The following C12orf42 variants were observed in gnomAD, a reference collection of about 807,000 sequenced individuals.
C12orf42 encodes uncharacterized protein C12orf42.
In C12orf42, 25 loss-of-function variants were observed where a neutral mutation model predicts 21.6. The observed-to-expected ratio is 1.16, with a 90% confidence interval of 0.84 to 1.62. C12orf42 has a LOEUF of 1.62. C12orf42 is among the 40% of genes most tolerant of loss of function. The pLI, the probability that C12orf42 is intolerant of heterozygous loss-of-function variation, is 0.00. For missense variants in C12orf42, 483 were observed against 459.3 expected, an observed-to-expected ratio of 1.05 and a Z score of -0.47; for synonymous variants, 174 against 175.0, an observed-to-expected ratio of 0.99 and a Z score of 0.05.
chr12:103,064,096 A>G, the C12orf42 span, among the ~76,000 whole-genome samples: 1 of 152,170 alleles, frequency 6.6e-6, no homozygotes, highest in Admixed American at 6.5e-5. Context: ...TGGGATGGTG[A>G]AATGTATTAG....
chr12:103,125,032 AATGGGTTTTCATCT>A, the C12orf42 span, among the ~76,000 whole-genome samples: 2 of 152,220 alleles, frequency 1.3e-5, no homozygotes, highest in Non-Finnish European at 2.9e-5. Flanking sequence ...GTGTTGGTAA[AATGGGTTTTCATCT>A]ATGAGCTGTC....
the C12orf42 span, among the ~76,000 whole-genome samples, chr12:103,224,168 T>C: frequency 1.4e-4 from 22 of 152,360 alleles, no homozygotes; most frequent in African/African-American, 5.3e-4. Flanking sequence ...TTTAGTTATC[T>C]GACTCAGGTC....
chr12:103,358,839 A>G (rs370766114), intron 4 of C12orf42, among the ~76,000 whole-genome samples: 1 of 152,004 alleles, frequency 6.6e-6, no homozygotes, highest in East Asian at 1.9e-4. Context: ...CCTACAATTA[A>G]TTATCCAGAC....
chr12:103,372,228 G>T (rs2045311887), intron 3 of C12orf42, among the ~76,000 whole-genome samples: 1 of 152,042 alleles, frequency 6.6e-6, no homozygotes, highest in Non-Finnish European at 1.5e-5. Context: ...CACCTCCGTT[G>T]AATTCTCTTT....
chr12:103,361,775 A>G (rs2044135996), intron 4 of C12orf42, among the ~76,000 whole-genome samples: 1 of 151,988 alleles, frequency 6.6e-6, no homozygotes, highest in African/African-American at 2.4e-5. Flanking sequence ...CAGCAGAGGC[A>G]GCCATAATCT....
chr12:103,539,549 T>G, the C12orf42 span, among the ~76,000 whole-genome samples: 1 of 152,064 alleles, frequency 6.6e-6, no homozygotes, highest in East Asian at 1.9e-4. Context: ...TCTTATGTCA[T>G]GTATGTACGT....
At chr12:103,334,515 G>C (rs2041517348) in intron 4 of C12orf42, among the ~76,000 whole-genome samples, 4 of 152,074 alleles carry the variant, frequency 2.6e-5, no homozygotes, top group Admixed American at 2.0e-4. Flanking sequence ...TTACGCTGTG[G>C]CTTTATAAAA....
chr12:103,116,588 T>C, the C12orf42 span, among the ~76,000 whole-genome samples: 1 of 152,088 alleles, frequency 6.6e-6, no homozygotes, highest in African/African-American at 2.4e-5. Context: ...GTATTCATTG[T>C]GTACTCACCC....
At chr12:103,084,079 A>G in the C12orf42 span, among the ~76,000 whole-genome samples, 3 of 152,328 alleles carry the variant, frequency 2.0e-5, no homozygotes, top group South Asian at 6.2e-4. Context: ...TAACATAATT[A>G]AAATTTTATG....
intron 2 of C12orf42, among the ~76,000 whole-genome samples, chr12:103,426,179 G>A (rs948740738): frequency 3.3e-5 from 5 of 152,144 alleles, no homozygotes; most frequent in Non-Finnish European, 5.9e-5. Flanking sequence ...AAAGGAGCAT[G>A]TTCTAACCCA....
chr12:103,365,399 C>A (rs1199644316), intron 4 of C12orf42, among the ~76,000 whole-genome samples: 1 of 152,066 alleles, frequency 6.6e-6, no homozygotes, highest in African/African-American at 2.4e-5. Flanking sequence ...AAAGTATTCC[C>A]TCTGAGAACT....
the C12orf42 span, among the ~76,000 whole-genome samples, chr12:103,128,533 T>C: frequency 6.6e-6 from 1 of 152,240 alleles, no homozygotes; most frequent in Non-Finnish European, 1.5e-5. Context: ...CCAAGCACTG[T>C]TCTAAACCTT....
chr12:103,511,190 T>C, the C12orf42 span, among the ~76,000 whole-genome samples: 2 of 152,114 alleles, frequency 1.3e-5, no homozygotes, highest in African/African-American at 4.8e-5. Context: ...GTTGTATACA[T>C]TACATACACA....
At chr12:103,228,504 C>T in the C12orf42 span, among the ~76,000 whole-genome samples, 41 of 152,184 alleles carry the variant, frequency 2.7e-4, no homozygotes, top group East Asian at 5.8e-3. Flanking sequence ...TGGGCATATA[C>T]GTGCAAGTCA....
the C12orf42 span, among the ~76,000 whole-genome samples, chr12:103,124,501 A>G: frequency 6.6e-6 from 1 of 152,136 alleles, no homozygotes; most frequent in African/African-American, 2.4e-5. Flanking sequence ...TTCACATGAT[A>G]AGCTGGTTTT....
downstream of C12orf42, among the ~76,000 whole-genome samples, chr12:103,233,468 C>T (rs1197339580): frequency 1.3e-5 from 2 of 152,062 alleles, no homozygotes; most frequent in Non-Finnish European, 2.9e-5. Context: ...TGAAATAACT[C>T]TCTGTTTATT....
chr12:103,169,493 G>A, the C12orf42 span, among the ~76,000 whole-genome samples: 3 of 151,902 alleles, frequency 2.0e-5, no homozygotes, highest in Non-Finnish European at 2.9e-5. Context: ...ATTAGTAAAT[G>A]AGGTACAGAG....
the C12orf42 span, among the ~76,000 whole-genome samples, chr12:103,524,284 C>T: frequency 9.8e-5 from 15 of 152,328 alleles, 1 homozygote; most frequent in African/African-American, 3.1e-4. Context: ...CAATTTCATC[C>T]TTCTGCCAGG....
chr12:103,058,714 C>T, the C12orf42 span, among the ~76,000 whole-genome samples: 1 of 151,154 alleles, frequency 6.6e-6, no homozygotes, highest in African/African-American at 2.5e-5. Flanking sequence ...ACTGAGCAAC[C>T]TGCTCCTGAA....
Sources: allele counts gnomAD v4.1 joint callset (sites outside exome capture counted in the v4.1 genomes callset), GRCh38; gene constraint gnomAD v4.1.1; transcripts MANE v1.5; gene names NCBI Gene and HGNC (gene_info 2026-07-23, HGNC 2026-07-21).